The following LRP12 variants were observed in gnomAD, a reference collection of about 807,000 sequenced individuals.
The protein encoded by LRP12 is LDL receptor related protein 12.
In LRP12, 14 loss-of-function variants were observed where a neutral mutation model predicts 66.0. The ratio of observed to expected loss-of-function variants is 0.21; its 90% CI spans 0.14 to 0.33. LRP12 has a LOEUF of 0.33. Among genes scored for constraint, LRP12 ranks in the 10% least tolerant of loss-of-function variants. The pLI is 1.00. For missense variants in LRP12, 889 were observed against 1,053.4 expected (o/e 0.84, Z 2.16); for synonymous variants, 357 against 359.1 (o/e 0.99, Z 0.07).
intron 1 of LRP12, among the ~76,000 whole-genome samples, chr8:104,582,937 C>A (rs1342534255): frequency 2.0e-5 from 3 of 152,060 alleles, no homozygotes; most frequent in African/African-American, 7.2e-5. Flanking sequence ...ACCTTCCCAC[C>A]CCAAAACCTA....
At position 104,491,003 on chromosome 8, in the gene LRP12, T is replaced by C. The variant is rs200491543; in HGVS notation, c.2250A>G (p.Leu750=). ...VRFTLGRSSS[L]SQNQSPLRQL... The stretch of plus-strand genomic sequence containing the variant: ...GTCTCAAAGGACTCTGGTTCTGACT[T>C]AGGGAACTTGATCGTCCTAATGTAA... The change falls in exon 7 of 7, where the codon CTA becomes CTG. Residue 750 remains leucine (L), a synonymous_variant. Coordinates refer to ENST00000276654, the MANE Select transcript of LRP12 (RefSeq NM_013437.5). 20 of 1,613,982 alleles carry C rather than the reference T, an allele frequency of 1.2e-5. No individual in the cohort carries two copies. Among genetic ancestry groups the C allele is most frequent in the Non-Finnish European group, 1.6e-5 (19 of 1,180,032 alleles).
At chr8:104,552,726 T>C (rs76279073) in intron 1 of LRP12, among the ~76,000 whole-genome samples, 1 of 151,798 alleles carries the variant, frequency 6.6e-6, no homozygotes, top group African/African-American at 2.4e-5. Flanking sequence ...AGAAAAAAAA[T>C]GGTGCACAGG....
chr8:104,496,109 G>A (rs752644354), intron 5 of LRP12: 4 of 152,134 alleles, frequency 2.6e-5, no homozygotes, highest in Non-Finnish European at 4.4e-5. Flanking sequence ...ATTAACTTCT[G>A]CCAGGTCCCA....
chr8:104,532,139 G>T (rs1811333434), intron 1 of LRP12, among the ~76,000 whole-genome samples, 176 bp from the exon 2 acceptor site: 1 of 151,734 alleles, frequency 6.6e-6, no homozygotes. Flanking sequence ...AATAGTAATG[G>T]GGAAAACAAA....
At chr8:104,505,946 C>A (rs1276819712) in intron 3 of LRP12, 1 of 152,062 alleles carries the variant, frequency 6.6e-6, no homozygotes, top group African/African-American at 2.4e-5. Context: ...TTAGCATTTC[C>A]TACACTTATA....
intron 1 of LRP12, among the ~76,000 whole-genome samples, chr8:104,572,191 T>C (rs1290725577): frequency 6.6e-6 from 1 of 152,182 alleles, no homozygotes; most frequent in East Asian, 1.9e-4. Context: ...TTATATGACA[T>C]TCTTAAAAAG....
rs369101660 is a variant in LRP12, at chr8:104,490,767, C to G, written c.2486G>C (p.Cys829Ser). Residue 829 changes from cysteine to serine, a missense_variant, in exon 7 of 7, where the codon TGT becomes TCT. By Grantham distance (112) the Cys-to-Ser change is moderately radical. Around this residue, in one of 3 missense-constraint regions of LRP12, gnomAD observed 800 missense variants for 964.5 expected, o/e 0.83. Coordinates refer to ENST00000276654, the MANE Select transcript of LRP12 (RefSeq NM_013437.5). ...TATCTGGGCAGTGTGGACAATACCA[C>G]AGCGCTCACAGGGGCCATCTCGATT... ...PSNRDGPCERCGIVHTAQIPD... is the reference protein window; with the variant it reads ...PSNRDGPCERSGIVHTAQIPD... 3.7e-6 allele frequency: 6 copies of G among 1,613,996 alleles called. No individual in the cohort carries two copies. The African/African-American group carries it at 6.7e-5, about 18-fold the overall frequency.
chr8:104,492,118 G>C (rs1810643887), intron 6 of LRP12, among the ~76,000 whole-genome samples: 1 of 151,478 alleles, frequency 6.6e-6, no homozygotes, highest in South Asian at 2.1e-4. Context: ...ACAAATAAAG[G>C]AATTATATTT....
chr8:104,526,469 G>T (rs1811240412), intron 2 of LRP12, among the ~76,000 whole-genome samples: 2 of 151,014 alleles, frequency 1.3e-5, no homozygotes, highest in African/African-American at 4.9e-5. Flanking sequence ...GCATGGTACT[G>T]GTACCAAAAC....
At chr8:104,588,721 C>G in intron 1 of LRP12, 98 bp downstream of exon 1, 5 of 1,004,060 alleles carry the variant, frequency 5.0e-6, no homozygotes, top group Non-Finnish European at 7.4e-6. Flanking sequence ...CCAGGGTCTC[C>G]GCGGGAGTCT....
At chr8:104,493,906 A>G (rs969748817) in intron 6 of LRP12, among the ~76,000 whole-genome samples, 2 of 152,166 alleles carry the variant, frequency 1.3e-5, no homozygotes, top group African/African-American at 4.8e-5. Flanking sequence ...CCCTTGGTTA[A>G]TCTGTGTCTG....
intron 1 of LRP12, among the ~76,000 whole-genome samples, chr8:104,582,844 C>T (rs573736934): frequency 4.5e-4 from 69 of 152,140 alleles, no homozygotes; most frequent in African/African-American, 1.4e-3. Context: ...CAAAAATCAC[C>T]CTCAACTTCT....
chr8:104,548,635 T>TAATTAAATTAATTATATAATTATTATAA (rs1811676498), intron 1 of LRP12, among the ~76,000 whole-genome samples: 1 of 143,574 alleles, frequency 7.0e-6, no homozygotes, highest in South Asian at 2.1e-4. Flanking sequence ...AATTATTATA[T>TAATTAAATTAATTATATAATTATTATAA]AATTAAATTA....
intron 1 of LRP12, among the ~76,000 whole-genome samples, chr8:104,545,800 G>A (rs1038807699): frequency 9.2e-5 from 14 of 152,060 alleles, no homozygotes; most frequent in African/African-American, 3.1e-4. Flanking sequence ...TATTGTGGAG[G>A]TCTGGAACCA....
chr8:104,517,623 G>A (rs1811091670), intron 2 of LRP12, among the ~76,000 whole-genome samples: 1 of 152,038 alleles, frequency 6.6e-6, no homozygotes, highest in Non-Finnish European at 1.5e-5. Context: ...GCAAAATCAT[G>A]CTCACTCTGT....
At chr8:104,506,549 A>C (rs1291114126) in intron 3 of LRP12, 1 of 152,106 alleles carries the variant, frequency 6.6e-6, no homozygotes, top group African/African-American at 2.4e-5. Context: ...AGATCCTTTC[A>C]TGGAGTCAGC....
At chr8:104,572,722 G>A (rs1479781093) in intron 1 of LRP12, among the ~76,000 whole-genome samples, 1 of 151,894 alleles carries the variant, frequency 6.6e-6, no homozygotes, top group Non-Finnish European at 1.5e-5. Context: ...TAATGTTCTA[G>A]AACATATAAC....
At chr8:104,555,089 C>T (rs1259126474) in intron 1 of LRP12, among the ~76,000 whole-genome samples, 1 of 152,128 alleles carries the variant, frequency 6.6e-6, no homozygotes, top group Non-Finnish European at 1.5e-5. Context: ...TTTGCCACTA[C>T]CAAGTGAACA....
chr8:104,558,780 T>C (rs970874743), intron 1 of LRP12, among the ~76,000 whole-genome samples: 1 of 151,612 alleles, frequency 6.6e-6, no homozygotes, highest in Admixed American at 6.6e-5. Flanking sequence ...AATAATCCTA[T>C]TGAAAAGTCT....
Sources: gnomAD v4.1 joint callset for allele counts (sites outside exome capture counted in the v4.1 genomes callset) on GRCh38, gnomAD v4.1.1 for gene constraint, gnomAD v4.1.1 regional missense constraint, MANE v1.5 for transcripts, NCBI Gene and HGNC (gene_info 2026-07-23, HGNC 2026-07-21) for gene names.